ZEB2: variants seen among roughly 807,000 people sequenced by gnomAD.
The protein encoded by ZEB2 is zinc finger E-box-binding homeobox 2.
ZEB2 carries 6 observed loss-of-function variants against 99.9 expected under a neutral mutation model. That is an observed-to-expected ratio of 0.06 (90% CI 0.03 to 0.12). The LOEUF (loss-of-function observed/expected upper bound fraction) is 0.12, where lower values mean the gene tolerates loss of function less well. Among genes scored for constraint, ZEB2 ranks in the 10% least tolerant of loss-of-function variants. The pLI, the probability that ZEB2 is intolerant of heterozygous loss-of-function variation, is 1.00. For missense variants in ZEB2, 969 were observed against 1,502.8 expected, an observed-to-expected ratio of 0.64 and a Z score of 5.87; for synonymous variants, 517 against 542.5, an observed-to-expected ratio of 0.95 and a Z score of 0.65.
At chr2:144,439,889 T>C (rs1703883198) in intron 2 of ZEB2, among the ~76,000 whole-genome samples, 1 of 152,248 alleles carries the variant, frequency 6.6e-6, no homozygotes, top group Non-Finnish European at 1.5e-5. Flanking sequence ...AATTGTTTTA[T>C]TCAGAATCTT....
Position 144,512,587 on chromosome 2 carries a change from G to A in ZEB2, c.73+4691C>T, listed in dbSNP as rs767821912. ...TATTTGAAAACAAATGGTGGAAGAC[G>A]TGAATTTATTTGTATCTGGTAACAG... On this transcript the variant is annotated intron_variant, in intron 2 of 9. Coordinates refer to ENST00000627532, the MANE Select transcript of ZEB2 (RefSeq NM_014795.4). 2.6e-5 allele frequency: 34 copies of A among 1,287,094 alleles called. 1 individual carries two copies. The South Asian group carries it at 3.5e-4, about 13-fold the overall frequency. The allele number at this position is 1,287,094 out of a possible 1,614,324, so 79.7% of individuals were successfully genotyped here.
intron 2 of ZEB2, among the ~76,000 whole-genome samples, chr2:144,454,401 T>G (rs969349008): frequency 6.6e-6 from 1 of 152,168 alleles, no homozygotes; most frequent in African/African-American, 2.4e-5. Context: ...CTATTAAGAT[T>G]CCATCAAAAG....
intron 2 of ZEB2, among the ~76,000 whole-genome samples, chr2:144,435,057 T>C (rs1301025640): frequency 6.6e-6 from 1 of 152,190 alleles, no homozygotes; most frequent in Non-Finnish European, 1.5e-5. Flanking sequence ...ATCACTGAAA[T>C]ACCATTGTTT....
chr2:144,398,431 C>T lies in ZEB2; in HGVS notation c.2756G>A (p.Gly919Glu). The T allele has an allele frequency of 6.2e-7, 1 of 1,613,980 alleles. No individual in the cohort carries two copies. The highest frequency in any genetic ancestry group is 8.5e-7 in the Non-Finnish European group (1 of 1,179,976). The change falls in exon 8 of 10, where the codon GGG (glycine) becomes GAG (glutamate). Residue 919 changes from glycine (G) to glutamate (E), a missense_variant. Around this residue, in one of 8 missense-constraint regions of ZEB2, gnomAD observed 346 missense variants for 460.0 expected, o/e 0.75. Coordinates refer to ENST00000627532, the MANE Select transcript of ZEB2 (RefSeq NM_014795.4). ...ATCCAGTCCTGGGTATGGTCGTAGC[C>T]CAGGAATACTGGTCTGGACTGGTGG... ...FMPPVQTSIP[G>E]LRPYPGLDQM...
rs1703276052 is a variant in ZEB2 at position 144,399,346 on chromosome 2, A to C, written c.1841T>G (p.Leu614Arg). The change falls in exon 8 of 10, where the codon CTG becomes CGG. Residue 614 changes from leucine to arginine, a missense_variant. Physicochemically the swap from Leu to Arg is moderately radical, Grantham distance 102. This residue lies in a region of ZEB2 where 346 missense variants were observed against 460.0 expected (regional missense o/e 0.75). Coordinates refer to ENST00000627532, the MANE Select transcript of ZEB2 (RefSeq NM_014795.4). This position sits in a 1 kb window ranked among gnomAD's most constrained non-coding sequence, Gnocchi z 5.6. ...GGGGACTATGTTTTCATGAGGCTGCAGGACCGCCTTGATCTCTTCATTCAT... is the reference window on the plus strand; with the variant it reads ...GGGGACTATGTTTTCATGAGGCTGCCGGACCGCCTTGATCTCTTCATTCAT... The part of the protein sequence containing the change: ...CKMNEEIKAV[L>R]QPHENIVPNK... 3 of 1,614,186 alleles carry C rather than the reference A, an allele frequency of 1.9e-6. No individual in the cohort carries two copies. The East Asian group carries it at 6.7e-5, about 36-fold the overall frequency.
intron 2 of ZEB2, among the ~76,000 whole-genome samples, chr2:144,477,016 G>C (rs1397842054): frequency 2.0e-5 from 3 of 152,100 alleles, no homozygotes; most frequent in Non-Finnish European, 4.4e-5. Flanking sequence ...AATAAATATT[G>C]TTCTTAATAA....
intron 2 of ZEB2, chr2:144,513,125 T>G (rs1284794437): frequency 8.0e-5 from 103 of 1,286,048 alleles, no homozygotes; most frequent in Non-Finnish European, 9.7e-5. Flanking sequence ...GAGAAGGGGT[T>G]GACTGCATTT....
intron 4 of ZEB2, among the ~76,000 whole-genome samples, chr2:144,415,375 C>T (rs1405538646): frequency 1.3e-5 from 2 of 152,150 alleles, no homozygotes; most frequent in African/African-American, 2.4e-5. Flanking sequence ...ACAAGAAATG[C>T]CTCAAGCTTA....
intron 9 of ZEB2, among the ~76,000 whole-genome samples, chr2:144,394,069 GCAC>G (rs1703188283): frequency 6.6e-6 from 1 of 152,064 alleles, no homozygotes; most frequent in Non-Finnish European, 1.5e-5. Flanking sequence ...TTACAGGCAT[GCAC>G]CACCACACCC....
chr2:144,456,202 T>A (rs1704120099), intron 2 of ZEB2, among the ~76,000 whole-genome samples: 1 of 152,164 alleles, frequency 6.6e-6, no homozygotes, highest in African/African-American at 2.4e-5. Context: ...TTTCCTTTGC[T>A]TTTGTCAAAC....
chr2:144,498,704 G>A (rs1249573608), intron 2 of ZEB2, among the ~76,000 whole-genome samples: 2 of 152,154 alleles, frequency 1.3e-5, no homozygotes, highest in Non-Finnish European at 2.9e-5. Context: ...AACCAGCTGA[G>A]CTGTCACCTC....
intron 2 of ZEB2, chr2:144,513,572 G>A (rs1299730331): frequency 1.3e-6 from 2 of 1,529,100 alleles, no homozygotes; most frequent in Admixed American, 2.0e-5. Context: ...CAACGTGCAT[G>A]TCTCTGTGAG....
intron 2 of ZEB2, among the ~76,000 whole-genome samples, chr2:144,481,988 G>A (rs931238386): frequency 3.9e-5 from 6 of 152,112 alleles, no homozygotes; most frequent in Admixed American, 3.3e-4. Flanking sequence ...GAGAGGATCC[G>A]GTTTTAGAAA....
intron 2 of ZEB2, chr2:144,464,029 G>C (rs1310349616): frequency 6.6e-6 from 1 of 152,180 alleles, no homozygotes; most frequent in African/African-American, 2.4e-5. Flanking sequence ...GTAATATGGA[G>C]CTAATATGTA....
intron 4 of ZEB2, among the ~76,000 whole-genome samples, chr2:144,423,373 T>G (rs1322250028): frequency 6.6e-6 from 1 of 152,246 alleles, no homozygotes; most frequent in Non-Finnish European, 1.5e-5. Context: ...AGAAAGTATC[T>G]AATTCATGAT....
chr2:144,433,091 CA>C (rs1703794531), intron 2 of ZEB2, among the ~76,000 whole-genome samples: 1 of 152,068 alleles, frequency 6.6e-6, no homozygotes, highest in South Asian at 2.1e-4. Flanking sequence ...CAAAAACAGA[CA>C]GTTACTTCAA....
chr2:144,460,130 T>C (rs1369453023), intron 2 of ZEB2, among the ~76,000 whole-genome samples: 1 of 152,164 alleles, frequency 6.6e-6, no homozygotes, highest in Non-Finnish European at 1.5e-5. Context: ...AATTCTGGCT[T>C]TGTTTTTGTT....
At chr2:144,457,485 G>A (rs1704135825) in intron 2 of ZEB2, among the ~76,000 whole-genome samples, 1 of 152,130 alleles carries the variant, frequency 6.6e-6, no homozygotes, top group Admixed American at 6.6e-5. Flanking sequence ...AACAGAGTAT[G>A]GTGGTGTCAG....
chr2:144,483,166 A>C, intron 2 of ZEB2, among the ~76,000 whole-genome samples: 1 of 128,550 alleles, frequency 7.8e-6, no homozygotes, highest in African/African-American at 2.6e-5. Context: ...ACACACACAT[A>C]CCCTAAGACA....
Sources: gnomAD v4.1 joint callset for allele counts (sites outside exome capture counted in the v4.1 genomes callset) on GRCh38, gnomAD v4.1.1 for gene constraint, gnomAD v4.1.1 regional missense constraint, Gnocchi (gnomAD v3.1) non-coding constraint, MANE v1.5 for transcripts, NCBI Gene and HGNC (gene_info 2026-07-23, HGNC 2026-07-21) for gene names.